Variants in METTL25B observed in about 807,000 individuals in gnomAD.
METTL25B encodes the protein methyltransferase like 25B.
A neutral mutation model predicts 48.4 loss-of-function variants in METTL25B; 38 were observed. The ratio of observed to expected loss-of-function variants is 0.78; its 90% CI spans 0.61 to 1.03. The LOEUF is 1.03. Ranked by LOEUF, METTL25B falls within the 50% of genes least tolerant of loss-of-function variation. The pLI, the probability that METTL25B is intolerant of heterozygous loss-of-function variation, is 0.00. For missense variants in METTL25B, 537 were observed against 603.7 expected (o/e 0.89, Z 1.16); for synonymous variants, 230 against 254.5 (o/e 0.90, Z 0.92).
Position 156,732,071 on chromosome 1 carries a change from G to A in METTL25B, c.192G>A (p.Leu64=). 1 of 1,614,200 alleles carries A rather than the reference G, an allele frequency of 6.2e-7. No homozygotes were observed. ...EALDGLKPPQ[L]ATMLLGMPGE... ...TGGATGGACTGAAACCACCACAGCT[G>A]GCCACAATGCTGCTGGGGATGCCTG... Residue 64 remains leucine (L), a synonymous_variant, in exon 2 of 8, where the codon CTG becomes CTA. Coordinates refer to ENST00000368216, the MANE Select transcript of METTL25B (RefSeq NM_015997.4).
chr1:156,728,547 G>T lies in METTL25B; in HGVS notation c.-558G>T. 1.1e-5 allele frequency: 11 copies of T among 981,748 alleles called. No individual in the cohort carries two copies. The highest frequency in any genetic ancestry group is 1.3e-5 in the Non-Finnish European group (11 of 828,554). 60.8% of individuals were successfully genotyped at this position (981,748 alleles called of 1,614,324 possible). A position where few individuals can be genotyped will look rare whatever the true frequency, so the allele number is the denominator to read the frequency against. On this transcript the variant is annotated 5_prime_UTR_variant, in exon 1 of 8. Coordinates refer to ENST00000368216, the MANE Select transcript of METTL25B (RefSeq NM_015997.4). ...AGGTCGGCGCGCGCACACCCGCACC[G>T]CCCCGACCCCAGGTAGTGAGGCCAG...
chr1:156,733,015 T>G lies in METTL25B; in HGVS notation c.460T>G (p.Cys154Gly). The G allele has an allele frequency of 6.2e-7, 1 of 1,614,192 alleles. No homozygotes were observed. The highest frequency in any genetic ancestry group is 8.5e-7 in the Non-Finnish European group (1 of 1,180,036). ...LVKKLSDFTG[C>G]TQVVDVGSGQ... ...GAAGAAGCTGAGTGATTTCACAGGC[T>G]GCACCCAGGTTGTAGACGTGGGCTC... Residue 154 changes from cysteine (C) to glycine (G), a missense_variant, in exon 4 of 8, where the codon TGC (cysteine) becomes GGC (glycine). By Grantham distance (159) the Cys-to-Gly change is radical. Transcript: ENST00000368216.
chr1:156,734,027 C>T lies in METTL25B; in HGVS notation c.655C>T (p.Arg219Cys), dbSNP rs557677979. Residue 219 changes from arginine to cysteine, a missense_variant, in exon 6 of 8, where the codon CGT becomes TGT. Coordinates refer to ENST00000368216, the MANE Select transcript of METTL25B (RefSeq NM_015997.4). ...TCCACAGGTGGTCCAAACCAGCCCT[C>T]GTCACTCCCCACACCACGTGGTTAG... is the stretch of plus-strand genomic sequence containing the variant. ...RNPQVVQTSP[R>C]HSPHHVVRWV... 4.5e-5 allele frequency: 72 copies of T among 1,604,808 alleles called. 1 individual carries two copies. In the South Asian group the frequency reaches 5.9e-4, roughly 13 times the overall value.
At chr1:156,729,275 G>T in intron 1 of METTL25B, 60 bp downstream of exon 1, 1 of 928,962 alleles carries the variant, frequency 1.1e-6, no homozygotes, top group Non-Finnish European at 1.7e-6. Flanking sequence ...AGGTGCCCAC[G>T]TCAGGGAGAG....
At chr1:156,732,690 C>G (rs957443898) in intron 3 of METTL25B, among the ~76,000 whole-genome samples, 1 of 152,092 alleles carries the variant, frequency 6.6e-6, no homozygotes, top group Middle Eastern at 3.2e-3. Flanking sequence ...CTGTCTCATT[C>G]CTGTTCCCAA....
chr1:156,736,431 G>A (rs1649808957), intron 7 of METTL25B: 1 of 563,384 alleles, frequency 1.8e-6, no homozygotes, highest in African/African-American at 1.9e-5. Flanking sequence ...AAGCTTCCCA[G>A]GCATCGAGAA....
intron 4 of METTL25B, 77 bp downstream of exon 4, chr1:156,733,124 C>T (rs183196794): frequency 6.6e-5 from 91 of 1,386,210 alleles, no homozygotes; most frequent in Non-Finnish European, 8.6e-5. Context: ...TATCGGGCCA[C>T]AGGCCCAGCG....
At position 156,728,473 on chromosome 1, in the gene METTL25B, C is replaced by A. The variant is rs3806415; in HGVS notation, c.-632C>A. The A allele has an allele frequency of 3.4e-5, 33 of 984,326 alleles. No individual in the cohort carries two copies. In the Middle Eastern group the frequency reaches 3.1e-3, roughly 94 times the overall value. The allele number at this position is 984,326 out of a possible 1,614,324, so 61.0% of individuals were successfully genotyped here. On this transcript the variant is annotated 5_prime_UTR_variant, in exon 1 of 8. Coordinates refer to ENST00000368216, the MANE Select transcript of METTL25B (RefSeq NM_015997.4). ...CCGGAGCCGGATGCGGAAATCGGTGCGCGCCGACGAAGCCCGGGAAGGCAG... is the reference window on the plus strand; with the variant it reads ...CCGGAGCCGGATGCGGAAATCGGTGAGCGCCGACGAAGCCCGGGAAGGCAG...
Position 156,732,278 on chromosome 1 carries a change from C to T in METTL25B, c.237-3C>T, listed in dbSNP as rs759128395. Reference sequence around the variant, plus strand: ...ACTGGAGGCCTCGGCTGGACTATCTCAGGTACAGGTCAGTGTGGCCACTCA... The same window carrying T: ...ACTGGAGGCCTCGGCTGGACTATCTTAGGTACAGGTCAGTGTGGCCACTCA... On this transcript the variant is annotated splice_polypyrimidine_tract_variant and splice_region_variant and intron_variant, in intron 2 of 7. Coordinates refer to ENST00000368216, the MANE Select transcript of METTL25B (RefSeq NM_015997.4). 28 of 1,613,978 alleles carry T rather than the reference C, an allele frequency of 1.7e-5. No homozygotes were observed. The highest frequency in any genetic ancestry group is 2.3e-5 in the Non-Finnish European group (27 of 1,179,938).
chr1:156,730,260 C>T (rs1434022549), intron 1 of METTL25B, among the ~76,000 whole-genome samples: 1 of 152,236 alleles, frequency 6.6e-6, no homozygotes, highest in Admixed American at 6.5e-5. Flanking sequence ...CTCTTGAACT[C>T]TATCCCATTT....
Position 156,732,133 on chromosome 1 carries a change from C to G in METTL25B, c.236+18C>G. 1 of 1,614,108 alleles carries G rather than the reference C, an allele frequency of 6.2e-7. No individual in the cohort carries two copies. Among genetic ancestry groups the G allele is most frequent in the Non-Finnish European group, 8.5e-7 (1 of 1,179,988 alleles). ...GTCGTCAGGTATGGGCTAGAAGGTC[C>G]CTGTGCTGGGGAACTCAAGGCTTTA... is the stretch of plus-strand genomic sequence containing the variant. On this transcript the variant is annotated intron_variant, in intron 2 of 7. Coordinates refer to ENST00000368216, the MANE Select transcript of METTL25B (RefSeq NM_015997.4).
In METTL25B at chr1:156,729,215, C is replaced by T; in HGVS notation, c.111C>T (p.Ile37=). 3 of 1,587,322 alleles carry T rather than the reference C, an allele frequency of 1.9e-6. No individual in the cohort carries two copies. The highest frequency in any genetic ancestry group is 2.6e-6 in the Non-Finnish European group (3 of 1,157,888). The change falls in exon 1 of 8, where the codon ATC becomes ATT. Residue 37 remains isoleucine (I), a splice_region_variant and synonymous_variant. Transcript: ENST00000368216. Reference sequence around the variant, plus strand: ...GTTCCATCTTGGATGCCTACATCATCGTGAGGCCACAGGGGCGTGGGTGGG... The same window carrying T: ...GTTCCATCTTGGATGCCTACATCATTGTGAGGCCACAGGGGCGTGGGTGGG... ...LYRSILDAYI[I]EFFTDNLWDT...
rs766594976 is a variant in METTL25B at position 156,732,308 on chromosome 1, G to C, written c.264G>C (p.Leu88=). ...VRYRSVWPLT[L]LALKSTACAL... Reference sequence around the variant, plus strand: ...ACAGGTCAGTGTGGCCACTCACCCTGCTGGCCCTGAAGTCCACGGCGTGTG... The same window carrying C: ...ACAGGTCAGTGTGGCCACTCACCCTCCTGGCCCTGAAGTCCACGGCGTGTG... Residue 88 remains leucine (L), a synonymous_variant, in exon 3 of 8, where the codon CTG becomes CTC. Coordinates refer to ENST00000368216, the MANE Select transcript of METTL25B (RefSeq NM_015997.4). 6.2e-7 allele frequency: 1 copy of C among 1,614,248 alleles called. No individual in the cohort carries two copies. Among genetic ancestry groups the C allele is most frequent in the South Asian group, 1.1e-5 (1 of 91,086 alleles).
rs1649457509 is a variant in METTL25B, at chr1:156,733,428, A to G, written c.544A>G (p.Ile182Val). The part of the protein sequence containing the change: ...ALGLGLMVKS[I>V]EGDQRLVERA... ...TGGCCTGGGGTTGATGGTGAAGAGC[A>G]TCGAAGGGGATCAGAGACTGGTGGA... Residue 182 changes from isoleucine to valine, a missense_variant, in exon 5 of 8, where the codon ATC (isoleucine) becomes GTC (valine). Physicochemically the swap from Ile to Val is conservative, Grantham distance 29 (BLOSUM62 3). Coordinates refer to ENST00000368216, the MANE Select transcript of METTL25B (RefSeq NM_015997.4). The G allele has an allele frequency of 6.2e-7, 1 of 1,614,000 alleles. No individual in the cohort carries two copies. Among genetic ancestry groups the G allele is most frequent in the African/African-American group, 1.3e-5 (1 of 75,012 alleles).
chr1:156,729,658 A>C (rs749873880), intron 1 of METTL25B: 10 of 160,400 alleles, frequency 6.2e-5, no homozygotes, highest in Non-Finnish European at 9.5e-5. Context: ...TATTCATCCA[A>C]GCTTTGAATA....
At position 156,736,883 on chromosome 1, in the gene METTL25B, CT is replaced by C; in HGVS notation, c.*133del. 2.5e-6 allele frequency: 2 copies of C among 808,086 alleles called. No homozygotes were observed. The highest frequency in any genetic ancestry group is 3.8e-6 in the Non-Finnish European group (2 of 525,504). The allele number at this position is 808,086 out of a possible 1,614,324, so 50.1% of individuals were successfully genotyped here. On this transcript the variant is annotated 3_prime_UTR_variant, in exon 8 of 8. Coordinates refer to ENST00000368216, the MANE Select transcript of METTL25B (RefSeq NM_015997.4). ...GTCCTGGTTCCTTCAGTTTCATCCC[CT>C]TTCTCTCCTTCCATGGATTATGTAA...
At chr1:156,733,854 C>T (rs1201155354) in intron 5 of METTL25B, among the ~76,000 whole-genome samples, 155 bp from the exon 6 acceptor site, 1 of 152,240 alleles carries the variant, frequency 6.6e-6, no homozygotes, top group Non-Finnish European at 1.5e-5. Context: ...TTCCCCCTCT[C>T]CTGACTTGTG....
At position 156,736,768 on chromosome 1, in the gene METTL25B, A is replaced by G. The variant is rs760421283; in HGVS notation, c.*15A>G. On this transcript the variant is annotated 3_prime_UTR_variant, in exon 8 of 8. Transcript: ENST00000368216. ...AAGACAGCTGATGCAGCCTGAGGAA[A>G]CATCTCAGACCCCATCATCTGAAAG... The G allele has an allele frequency of 3.1e-5, 50 of 1,606,002 alleles. No individual in the cohort carries two copies. Among genetic ancestry groups the G allele is most frequent in the African/African-American group, 4.0e-5 (3 of 74,850 alleles).
rs771845289 is a variant in METTL25B at position 156,732,045 on chromosome 1, TTGGA to T, written c.171_174del (p.Gly58Ter). Reference sequence around the variant, plus strand: ...ACTCCCTTGCTCATGGCAGGAAGCATTGGATGGACTGAAACCACCACAGCTGGCC... The same window carrying T: ...ACTCCCTTGCTCATGGCAGGAAGCATTGGACTGAAACCACCACAGCTGGCC... On this transcript the variant is annotated frameshift_variant, in exon 2 of 8. Coordinates refer to ENST00000368216, the MANE Select transcript of METTL25B (RefSeq NM_015997.4). LOFTEE classifies it high-confidence loss of function. 11 of 1,614,024 alleles carry T rather than the reference TTGGA, an allele frequency of 6.8e-6. No homozygotes were observed. Among genetic ancestry groups the T allele is most frequent in the South Asian group, 1.1e-5 (1 of 91,084 alleles).
Sources: allele counts gnomAD v4.1 joint callset (sites outside exome capture counted in the v4.1 genomes callset), GRCh38; gene constraint gnomAD v4.1.1; transcripts MANE v1.5; gene names NCBI Gene and HGNC (gene_info 2026-07-23, HGNC 2026-07-21).